The following ACSS3 variants were observed in gnomAD, a reference collection of about 807,000 sequenced individuals.
The protein encoded by ACSS3 is acyl-CoA synthetase short chain family member 3.
A neutral mutation model predicts 84.2 loss-of-function variants in ACSS3; 64 were observed. That is an observed-to-expected ratio of 0.76 (90% CI 0.62 to 0.94). The LOEUF (loss-of-function observed/expected upper bound fraction) is 0.94, where lower values mean the gene tolerates loss of function less well. Among genes scored for constraint, ACSS3 ranks in the 40% least tolerant of loss-of-function variants. ACSS3 has a pLI of 0.00. For synonymous variants in ACSS3, 317 were observed against 310.1 expected, an observed-to-expected ratio of 1.02 and a Z score of -0.23; for missense variants, 815 against 867.6, an observed-to-expected ratio of 0.94 and a Z score of 0.76.
In ACSS3 at chr12:81,163,810, A is replaced by G. The variant is rs1436589154; in HGVS notation, c.1099-10978A>G. Among the ~76,000 whole-genome samples the G allele has an allele frequency of 2.6e-5, 4 of 152,366 alleles. No homozygotes were observed. The East Asian group carries it at 7.7e-4, about 29-fold the overall frequency. On this transcript the variant is annotated intron_variant, in intron 7 of 15. Coordinates refer to ENST00000548058, the MANE Select transcript of ACSS3 (RefSeq NM_024560.4). The stretch of plus-strand genomic sequence containing the variant: ...GAAATTTTTAAAATGGAAAAAACTT[A>G]TAGAATGAACATGTAAACAAAGAAA...
intron 13 of ACSS3, among the ~76,000 whole-genome samples, chr12:81,241,469 C>T (rs558244147): frequency 3.7e-4 from 56 of 152,230 alleles, no homozygotes; most frequent in African/African-American, 1.3e-3. Context: ...AAAAGTGTTC[C>T]TATTTCTCCA....
At chr12:81,102,178 A>G (rs1593043563) in intron 1 of ACSS3, among the ~76,000 whole-genome samples, 1 of 152,132 alleles carries the variant, frequency 6.6e-6, no homozygotes, top group East Asian at 1.9e-4. Flanking sequence ...CAGAATCTGA[A>G]TAAAGATCCT....
At chr12:81,242,304 C>T (rs1232303391) in intron 13 of ACSS3, among the ~76,000 whole-genome samples, 2 of 152,072 alleles carry the variant, frequency 1.3e-5, no homozygotes, top group African/African-American at 2.4e-5. Flanking sequence ...CAAGACCAAA[C>T]CAGGAAGAAG....
At chr12:81,210,985 T>C (rs2032567903) in intron 9 of ACSS3, among the ~76,000 whole-genome samples, 1 of 152,134 alleles carries the variant, frequency 6.6e-6, no homozygotes, top group Admixed American at 6.5e-5. Context: ...TTTTCCATTG[T>C]TGTTGTTTCG....
intron 13 of ACSS3, among the ~76,000 whole-genome samples, chr12:81,243,426 C>G (rs2033878075): frequency 6.6e-6 from 1 of 152,142 alleles, no homozygotes; most frequent in African/African-American, 2.4e-5. Context: ...TGAAAATGGC[C>G]ATACTGCCCA....
intron 7 of ACSS3, among the ~76,000 whole-genome samples, chr12:81,173,559 G>A (rs866670361): frequency 1.4e-4 from 21 of 151,978 alleles, no homozygotes; most frequent in African/African-American, 4.6e-4. Context: ...AATGAGTATT[G>A]AATCTAAATT....
chr12:81,239,955 G>C (rs1185104502), intron 13 of ACSS3, among the ~76,000 whole-genome samples: 1 of 151,938 alleles, frequency 6.6e-6, no homozygotes, highest in African/African-American at 2.4e-5. Context: ...CTAGAAGGGA[G>C]GAATTAGGAA....
At position 81,174,875 on chromosome 12, in the gene ACSS3, G is replaced by C; in HGVS notation, c.1186G>C (p.Ala396Pro). 6.2e-7 allele frequency: 1 copy of C among 1,613,960 alleles called. No individual in the cohort carries two copies. Among genetic ancestry groups the C allele is most frequent in the Non-Finnish European group, 8.5e-7 (1 of 1,179,922 alleles). ...AGCTGCCTTGTTTACAGCACCAACT[G>C]CAATTAGAGCAATCCGTCAACAGGA... ...GVAALFTAPT[A>P]IRAIRQQDPG... The change falls in exon 8 of 16, where the codon GCA becomes CCA. Residue 396 changes from alanine (A) to proline (P), a missense_variant. Coordinates refer to ENST00000548058, the MANE Select transcript of ACSS3 (RefSeq NM_024560.4).
chr12:81,136,832 A>G (rs1209626918), intron 3 of ACSS3, among the ~76,000 whole-genome samples: 1 of 152,148 alleles, frequency 6.6e-6, no homozygotes, highest in South Asian at 2.1e-4. Context: ...GTGAAGCTGG[A>G]AGCTGTAATA....
intron 8 of ACSS3, among the ~76,000 whole-genome samples, chr12:81,187,880 G>A: frequency 6.6e-6 from 1 of 151,770 alleles, no homozygotes; most frequent in Non-Finnish European, 1.5e-5. Flanking sequence ...TATGACTCAA[G>A]GTTACGCAGG....
At chr12:81,142,878 A>G (rs1886158725) in intron 4 of ACSS3, among the ~76,000 whole-genome samples, 1 of 152,218 alleles carries the variant, frequency 6.6e-6, no homozygotes, top group African/African-American at 2.4e-5. Flanking sequence ...TTTAAATGAA[A>G]CATGCTTTTT....
At chr12:81,253,777 A>C in intron 15 of ACSS3, 107 bp downstream of exon 15, 1 of 1,098,350 alleles carries the variant, frequency 9.1e-7, no homozygotes, top group Non-Finnish European at 1.3e-6. Flanking sequence ...TTGCATCTCT[A>C]GAAAACACAT....
intron 1 of ACSS3, among the ~76,000 whole-genome samples, chr12:81,083,448 C>A (rs894803283): frequency 1.4e-4 from 21 of 149,886 alleles, no homozygotes; most frequent in Non-Finnish European, 1.2e-4. Flanking sequence ...ACCTCCATCT[C>A]CCCGCTTCAA....
chr12:81,101,564 T>C (rs953981780), intron 1 of ACSS3, among the ~76,000 whole-genome samples: 5 of 152,144 alleles, frequency 3.3e-5, no homozygotes, highest in Non-Finnish European at 7.4e-5. Flanking sequence ...CTAATTTTGA[T>C]CATTGTTTCA....
intron 8 of ACSS3, among the ~76,000 whole-genome samples, chr12:81,195,412 C>T (rs1205300651): frequency 3.3e-5 from 5 of 151,936 alleles, no homozygotes; most frequent in African/African-American, 7.2e-5. Context: ...CTTTGTTATA[C>T]TTTAACCTAC....
At chr12:81,184,682 A>G (rs1197494624) in intron 8 of ACSS3, among the ~76,000 whole-genome samples, 1 of 151,720 alleles carries the variant, frequency 6.6e-6, no homozygotes, top group Non-Finnish European at 1.5e-5. Flanking sequence ...GAAAATGGAT[A>G]AATTCCTAGA....
intron 9 of ACSS3, among the ~76,000 whole-genome samples, chr12:81,201,693 T>C (rs887313005): frequency 8.5e-5 from 13 of 152,220 alleles, no homozygotes; most frequent in African/African-American, 2.9e-4. Context: ...GGAAAACATG[T>C]GGATTTTACT....
At chr12:81,135,172 G>T (rs545068704) in intron 3 of ACSS3, among the ~76,000 whole-genome samples, 168 bp downstream of exon 3, 1 of 150,576 alleles carries the variant, frequency 6.6e-6, no homozygotes, top group African/African-American at 2.4e-5. Flanking sequence ...TCAAAAAGAC[G>T]CCTACATGCA....
chr12:81,138,334 A>G (rs1885916963), intron 3 of ACSS3, among the ~76,000 whole-genome samples: 1 of 152,218 alleles, frequency 6.6e-6, no homozygotes, highest in South Asian at 2.1e-4. Flanking sequence ...AATAAATGAC[A>G]TCCAAACTTG....
Sources: allele counts gnomAD v4.1 joint callset (sites outside exome capture counted in the v4.1 genomes callset), GRCh38; gene constraint gnomAD v4.1.1; transcripts MANE v1.5; gene names NCBI Gene and HGNC (gene_info 2026-07-23, HGNC 2026-07-21).